PAK5: variants seen among roughly 807,000 people sequenced by gnomAD.
PAK5 encodes the protein serine/threonine-protein kinase PAK 5.
In PAK5, 16 loss-of-function variants were observed where a neutral mutation model predicts 65.9. That is an observed-to-expected ratio of 0.24 (90% CI 0.16 to 0.37). The LOEUF is 0.37. Among genes scored for constraint, PAK5 ranks in the 10% least tolerant of loss-of-function variants. PAK5 has a pLI of 1.00. For synonymous variants in PAK5, 371 were observed against 354.9 expected, an observed-to-expected ratio of 1.05 and a Z score of -0.51; for missense variants, 785 against 903.9, an observed-to-expected ratio of 0.87 and a Z score of 1.69.
intron 3 of PAK5, among the ~76,000 whole-genome samples, chr20:9,608,550 G>A (rs1281914202): frequency 2.0e-5 from 3 of 152,194 alleles, no homozygotes; most frequent in Non-Finnish European, 2.9e-5. Flanking sequence ...GATCTCAAGT[G>A]ATGTCTTTTA....
At chr20:9,753,208 A>G (rs2048596228) in intron 1 of PAK5, among the ~76,000 whole-genome samples, 1 of 152,172 alleles carries the variant, frequency 6.6e-6, no homozygotes, top group Non-Finnish European at 1.5e-5. Flanking sequence ...TAAATTTTGA[A>G]GTTGTGTGTT....
At chr20:9,809,335 A>ATT (rs3061945) in intron 1 of PAK5, among the ~76,000 whole-genome samples, 25,170 of 135,114 alleles carry the variant, frequency 0.19, 2,694 homozygotes, top group Middle Eastern at 0.28. Context: ...GGCAATCCAA[A>ATT]TTTTTTTTTT....
At chr20:9,638,554 G>C (rs1020408961) in intron 3 of PAK5, among the ~76,000 whole-genome samples, 3 of 152,186 alleles carry the variant, frequency 2.0e-5, no homozygotes, top group African/African-American at 7.2e-5. Context: ...AGCAGCATCA[G>C]TACCACCTGG....
chr20:9,829,994 T>A (rs8119741), intron 1 of PAK5, among the ~76,000 whole-genome samples: 2,492 of 152,252 alleles, frequency 0.016, 57 homozygotes, highest in African/African-American at 0.058. Context: ...ACAGTCTTTT[T>A]TCAACCCCCA....
intron 7 of PAK5, among the ~76,000 whole-genome samples, chr20:9,556,173 A>G (rs187883569): frequency 1.8e-4 from 28 of 152,372 alleles, no homozygotes; most frequent in Non-Finnish European, 1.0e-4. Context: ...TTCTTTCTTA[A>G]GAGAAGCAAT....
intron 1 of PAK5, among the ~76,000 whole-genome samples, chr20:9,730,065 T>G (rs553896831): frequency 1.3e-5 from 2 of 150,178 alleles, no homozygotes; most frequent in East Asian, 1.9e-4. Context: ...AGAATTAGAA[T>G]TTTTCAAACA....
chr20:9,590,805 G>C (rs1282329775), intron 3 of PAK5, among the ~76,000 whole-genome samples: 4 of 151,398 alleles, frequency 2.6e-5, no homozygotes, highest in Non-Finnish European at 5.9e-5. Context: ...CAATTGACTA[G>C]AATAAGCAAC....
chr20:9,815,171 C>T (rs374891376), intron 1 of PAK5, among the ~76,000 whole-genome samples: 4 of 152,124 alleles, frequency 2.6e-5, no homozygotes, highest in Admixed American at 1.3e-4. Context: ...ATGAAGGATC[C>T]GCCCCCATGA....
intron 3 of PAK5, among the ~76,000 whole-genome samples, chr20:9,633,381 C>CTAAATAAA (rs887771251): frequency 1.3e-5 from 2 of 151,824 alleles, no homozygotes; most frequent in Non-Finnish European, 2.9e-5. Context: ...TACCCTGTCT[C>CTAAATAAA]TAAATAAATA....
rs2046156112 is a variant in PAK5, at chr20:9,590,737, G to A, written c.205-9807C>T. Reference sequence around the variant, plus strand: ...TTACTGTCTGCAGTTCTGTCACAGAGGAGGACATGAAACACAGTTCTCCCC... The same window carrying A: ...TTACTGTCTGCAGTTCTGTCACAGAAGAGGACATGAAACACAGTTCTCCCC... On this transcript the variant is annotated intron_variant, in intron 3 of 9. Transcript: ENST00000353224. Among the ~76,000 whole-genome samples the A allele has an allele frequency of 1.3e-5, 2 of 152,198 alleles. 1 individual carries two copies. Among genetic ancestry groups the A allele is most frequent in the South Asian group, 4.1e-4 (2 of 4,834 alleles).
intron 1 of PAK5, among the ~76,000 whole-genome samples, chr20:9,831,977 A>G (rs6056918): frequency 0.29 from 44,686 of 151,904 alleles, 8,553 homozygotes; most frequent in African/African-American, 0.55. Flanking sequence ...GTAGTAGTGC[A>G]TTTTGTTTTT....
intron 3 of PAK5, among the ~76,000 whole-genome samples, chr20:9,607,084 C>G (rs565169825): frequency 6.6e-6 from 1 of 152,278 alleles, no homozygotes; most frequent in African/African-American, 2.4e-5. Context: ...CCTCCCATAC[C>G]TTCTAATTAC....
chr20:9,568,758 G>A lies in PAK5; in HGVS notation c.991-2374C>T, dbSNP rs145243803. ...AAAGCTGAAGGATCACTTGAGCCCA[G>A]GAGCTCAAGGCTGCAGTGAGCTATG... On this transcript the variant is annotated intron_variant, in intron 4 of 9. Coordinates refer to ENST00000353224, the MANE Select transcript of PAK5 (RefSeq NM_177990.4). Among the ~76,000 whole-genome samples the A allele has an allele frequency of 1.8e-3, 276 of 152,306 alleles. 1 individual carries two copies. Among genetic ancestry groups the A allele is most frequent in the African/African-American group, 6.4e-3 (267 of 41,562 alleles).
At chr20:9,820,743 G>A (rs2049410438) in intron 1 of PAK5, among the ~76,000 whole-genome samples, 2 of 152,156 alleles carry the variant, frequency 1.3e-5, no homozygotes, top group Non-Finnish European at 2.9e-5. Flanking sequence ...CAACAAAAGT[G>A]GAATCACCTC....
intron 2 of PAK5, among the ~76,000 whole-genome samples, chr20:9,659,784 A>T (rs1041605950): frequency 5.3e-5 from 8 of 152,152 alleles, no homozygotes; most frequent in Non-Finnish European, 1.2e-4. Context: ...CTGTCATTGG[A>T]TATTGCCTTG....
intron 2 of PAK5, among the ~76,000 whole-genome samples, chr20:9,678,458 G>A (rs139685173): frequency 0.024 from 3,717 of 152,166 alleles, 102 homozygotes; most frequent in African/African-American, 0.064. Context: ...TCCCAGCTAC[G>A]CAGGAGGCTG....
chr20:9,809,324 A>C (rs983502862), intron 1 of PAK5, among the ~76,000 whole-genome samples: 1 of 147,386 alleles, frequency 6.8e-6, no homozygotes, highest in Non-Finnish European at 1.5e-5. Flanking sequence ...TTTTCTGTTG[A>C]GGCAATCCAA....
At chr20:9,666,695 A>C (rs1400186606) in intron 2 of PAK5, among the ~76,000 whole-genome samples, 1 of 152,158 alleles carries the variant, frequency 6.6e-6, no homozygotes, top group East Asian at 1.9e-4. Context: ...AAAACAAAAC[A>C]AAAAAACAAA....
chr20:9,716,346 C>A (rs1014611629), intron 1 of PAK5, among the ~76,000 whole-genome samples: 2 of 152,100 alleles, frequency 1.3e-5, no homozygotes, highest in Admixed American at 6.5e-5. Context: ...TCTTTTGATA[C>A]CCTATTCAAA....
Sources: gnomAD v4.1 joint callset for allele counts (sites outside exome capture counted in the v4.1 genomes callset) on GRCh38, gnomAD v4.1.1 for gene constraint, MANE v1.5 for transcripts, NCBI Gene and HGNC (gene_info 2026-07-23, HGNC 2026-07-21) for gene names.